Variants in UBASH3A observed in about 807,000 individuals in gnomAD.
The protein encoded by UBASH3A is ubiquitin associated and SH3 domain containing A, also known as ubiquitin-associated and SH3 domain-containing protein A.
Under a neutral mutation model 73.5 loss-of-function variants are expected in UBASH3A, and 63 were observed. That is an observed-to-expected ratio of 0.86 (90% CI 0.70 to 1.06). UBASH3A has a LOEUF of 1.06. Among genes scored for constraint, UBASH3A ranks in the 50% least tolerant of loss-of-function variants. The pLI is 0.00. For missense variants in UBASH3A, 860 were observed against 859.0 expected, an observed-to-expected ratio of 1.00 and a Z score of -0.02; for synonymous variants, 363 against 351.1, an observed-to-expected ratio of 1.03 and a Z score of -0.38.
intron 7 of UBASH3A, among the ~76,000 whole-genome samples, chr21:42,423,884 A>G (rs1414196567): frequency 6.6e-6 from 1 of 152,174 alleles, no homozygotes; most frequent in Non-Finnish European, 1.5e-5. Flanking sequence ...GGGGAGCATC[A>G]AGACACCCTG....
At chr21:42,410,297 G>A (rs1371791666) in intron 3 of UBASH3A, 1 of 624,094 alleles carries the variant, frequency 1.6e-6, no homozygotes, top group Non-Finnish European at 2.9e-6. Flanking sequence ...TCCGCCAGAG[G>A]GGCTTAAGGA....
intron 5 of UBASH3A, among the ~76,000 whole-genome samples, chr21:42,415,196 T>C (rs1158377030): frequency 2.0e-5 from 3 of 152,224 alleles, no homozygotes; most frequent in Non-Finnish European, 4.4e-5. Flanking sequence ...CAAGGACCCG[T>C]TCAGAAGTCG....
intron 11 of UBASH3A, among the ~76,000 whole-genome samples, chr21:42,438,496 A>C (rs56196737): frequency 0.054 from 8,227 of 152,198 alleles, 330 homozygotes; most frequent in Middle Eastern, 0.13. Context: ...ATGAGTTTAA[A>C]TGGAGATGCA....
Position 42,426,771 on chromosome 21 carries a change from A to C in UBASH3A, c.1121A>C (p.Glu374Ala), listed in dbSNP as rs1039994608. ...GAAGCCAGCAGCAGATGCAGCGGGG[A>C]ATTTCTTCCACAAACGGCAAGGAGT... ...DGEASSRCSG[E>A]FLPQTARSLS... Residue 374 changes from glutamate to alanine, a missense_variant, in exon 8 of 15, where the codon GAA (glutamate) becomes GCA (alanine). Glu to Ala is a moderately radical substitution (Grantham distance 107). Transcript: ENST00000319294. 4.3e-6 allele frequency: 7 copies of C among 1,614,176 alleles called. No individual in the cohort carries two copies. Among genetic ancestry groups the C allele is most frequent in the Non-Finnish European group, 5.9e-6 (7 of 1,180,022 alleles).
Position 42,426,783 on chromosome 21 carries a change from A to G in UBASH3A, c.1133A>G (p.Gln378Arg). The G allele has an allele frequency of 6.2e-7, 1 of 1,614,232 alleles. No homozygotes were observed. Among genetic ancestry groups the G allele is most frequent in the Non-Finnish European group, 8.5e-7 (1 of 1,180,020 alleles). The change falls in exon 8 of 15, where the codon CAA becomes CGA. Residue 378 changes from glutamine (Q) to arginine (R), a missense_variant. Physicochemically the swap from Gln to Arg is conservative, Grantham distance 43 (BLOSUM62 1). Transcript: ENST00000319294. ...AGATGCAGCGGGGAATTTCTTCCAC[A>G]AACGGCAAGGAGTCTTAGCAGCTTA... is the stretch of plus-strand genomic sequence containing the variant. ...SSRCSGEFLP[Q>R]TARSLSSLQA...
At chr21:42,419,219 C>T (rs2053286883) in intron 7 of UBASH3A, among the ~76,000 whole-genome samples, 1 of 152,174 alleles carries the variant, frequency 6.6e-6, no homozygotes, top group African/African-American at 2.4e-5. Context: ...GTTGCTTCTT[C>T]ATCAGCTGAA....
At chr21:42,442,331 A>G in intron 11 of UBASH3A, 121 bp from the exon 12 acceptor site, 1 of 1,027,752 alleles carries the variant, frequency 9.7e-7, no homozygotes, top group South Asian at 1.6e-5. Flanking sequence ...AGAAAATCAC[A>G]CTGTTTAAAA....
Position 42,447,662 on chromosome 21 carries a change from G to A in UBASH3A, c.*468G>A, listed in dbSNP as rs982593124. 1 of 152,408 alleles carries A rather than the reference G, an allele frequency of 6.6e-6. No homozygotes were observed. The highest frequency in any genetic ancestry group is 1.5e-5 in the Non-Finnish European group (1 of 68,356). The allele number at this position is 152,408 out of a possible 1,614,324, so 9.4% of individuals were successfully genotyped here. On this transcript the variant is annotated 3_prime_UTR_variant, in exon 15 of 15. Coordinates refer to ENST00000319294, the MANE Select transcript of UBASH3A (RefSeq NM_018961.4). ...TGTAATAGTCAATAAAATGGTCCCA[G>A]AAAACCATCGACCAGGTCAAAACTG...
At chr21:42,412,115 G>A (rs1160006520) in intron 3 of UBASH3A, among the ~76,000 whole-genome samples, 1 of 152,188 alleles carries the variant, frequency 6.6e-6, no homozygotes, top group African/African-American at 2.4e-5. Flanking sequence ...GTCCGATGTG[G>A]CCAATGGCAC....
intron 12 of UBASH3A, among the ~76,000 whole-genome samples, chr21:42,442,992 G>C (rs1287236857): frequency 6.6e-6 from 1 of 152,190 alleles, no homozygotes; most frequent in Non-Finnish European, 1.5e-5. Flanking sequence ...AAGCCCAAGG[G>C]TCAAGACCTC....
chr21:42,440,636 C>G (rs200093723), intron 11 of UBASH3A, among the ~76,000 whole-genome samples: 1 of 152,172 alleles, frequency 6.6e-6, no homozygotes, highest in Non-Finnish European at 1.5e-5. Flanking sequence ...ACTGGCTGGC[C>G]GCCCACTAGC....
chr21:42,434,792 CT>C (rs1186478543), intron 9 of UBASH3A, 39 bp from the exon 10 acceptor site: 1 of 1,596,966 alleles, frequency 6.3e-7, no homozygotes, highest in African/African-American at 1.3e-5. Flanking sequence ...TCTGTACTAA[CT>C]TGATGAAACT....
At chr21:42,424,564 G>A (rs919350073) in intron 7 of UBASH3A, among the ~76,000 whole-genome samples, 1 of 152,178 alleles carries the variant, frequency 6.6e-6, no homozygotes, top group African/African-American at 2.4e-5. Context: ...CAAACAACAG[G>A]GGGGCTTGAG....
At chr21:42,405,996 G>T (rs1163514444) in intron 1 of UBASH3A, among the ~76,000 whole-genome samples, 1 of 147,212 alleles carries the variant, frequency 6.8e-6, no homozygotes, top group African/African-American at 2.5e-5. Context: ...GGGGGGGGGG[G>T]GCAGGCCAGG....
rs138512100 is a variant in UBASH3A at position 42,425,882 on chromosome 21, G to A, written c.1047-815G>A. Among the ~76,000 whole-genome samples, 505 of 152,314 alleles carry A rather than the reference G, an allele frequency of 3.3e-3. 2 individuals carry two copies. The highest frequency in any genetic ancestry group is 0.011 in the African/African-American group (476 of 41,552). On this transcript the variant is annotated intron_variant, in intron 7 of 14. Coordinates refer to ENST00000319294, the MANE Select transcript of UBASH3A (RefSeq NM_018961.4). ...TGTGCATGGCTGAGAACAGTAAACT[G>A]TGGTGGTGTGTCAGTTCCTCCCAGA...
At chr21:42,426,860 C>T (rs1305472482) in intron 8 of UBASH3A, 40 bp downstream of exon 8, 4 of 1,604,226 alleles carry the variant, frequency 2.5e-6, no homozygotes, top group South Asian at 1.1e-5. Flanking sequence ...GTAAACTAAG[C>T]AAAACTACAC....
rs371662157 is a variant in UBASH3A, at chr21:42,408,955, T to A, written c.168-467T>A. 8.4e-5 allele frequency among the ~76,000 whole-genome samples: 11 copies of A among 130,262 alleles called. 1 individual carries two copies. The South Asian group carries it at 1.9e-3, about 23-fold the overall frequency. 85.5% of individuals were successfully genotyped at this position (130,262 alleles called of 152,430 possible). Reference sequence around the variant, plus strand: ...AAATAAAATAAAATAAAATAAAAACTGTCTGAATCTAAAGAAACGCAGCAG... The same window carrying A: ...AAATAAAATAAAATAAAATAAAAACAGTCTGAATCTAAAGAAACGCAGCAG... On this transcript the variant is annotated intron_variant, in intron 2 of 14. Coordinates refer to ENST00000319294, the MANE Select transcript of UBASH3A (RefSeq NM_018961.4).
chr21:42,430,288 G>A (rs2053505661), intron 8 of UBASH3A, among the ~76,000 whole-genome samples: 1 of 152,214 alleles, frequency 6.6e-6, no homozygotes, highest in Non-Finnish European at 1.5e-5. Context: ...AGCTGCACTG[G>A]CCAGGTGGAA....
rs1491519121 is a variant in UBASH3A at position 42,426,835 on chromosome 21, CCT to C, written c.1170+16_1170+17del. On this transcript the variant is annotated intron_variant, in intron 8 of 14. Transcript: ENST00000319294. ...AGGCCTTGCAGGTAATAGAACATTC[CCT>C]TTTTTCTTTTAAGTAAACTAAGCAA... 4.3e-6 allele frequency: 7 copies of C among 1,611,168 alleles called. No homozygotes were observed. Among genetic ancestry groups the C allele is most frequent in the Non-Finnish European group, 5.1e-6 (6 of 1,178,872 alleles).
Sources: gnomAD v4.1 joint callset for allele counts (sites outside exome capture counted in the v4.1 genomes callset) on GRCh38, gnomAD v4.1.1 for gene constraint, MANE v1.5 for transcripts, NCBI Gene and HGNC (gene_info 2026-07-23, HGNC 2026-07-21) for gene names.